PRLR: variants seen among roughly 807,000 people sequenced by gnomAD.
PRLR encodes hPRL receptor.
PRLR carries 13 observed loss-of-function variants against 40.2 expected under a neutral mutation model. The ratio of observed to expected loss-of-function variants is 0.32; its 90% CI spans 0.21 to 0.51. The LOEUF (loss-of-function observed/expected upper bound fraction) is 0.51, where lower values mean the gene tolerates loss of function less well. PRLR is among the 20% of genes least tolerant of loss of function. PRLR has a pLI of 0.97. For synonymous variants in PRLR, 269 were observed against 278.7 expected, an observed-to-expected ratio of 0.97 and a Z score of 0.35; for missense variants, 656 against 747.3, an observed-to-expected ratio of 0.88 and a Z score of 1.42.
Position 35,089,536 on chromosome 5 carries a change from T to A in PRLR, c.70+15A>T. On this transcript the variant is annotated intron_variant, in intron 3 of 9. Coordinates refer to ENST00000618457, the MANE Select transcript of PRLR (RefSeq NM_000949.7). Reference sequence around the variant, plus strand: ...CCCCAGGCAATGAAAGAGAGCGTGATAGCCTCTTACTTACCATTCAGAAGG... The same window carrying A: ...CCCCAGGCAATGAAAGAGAGCGTGAAAGCCTCTTACTTACCATTCAGAAGG... The A allele has an allele frequency of 6.4e-7, 1 of 1,568,182 alleles. No individual in the cohort carries two copies. Among genetic ancestry groups the A allele is most frequent in the East Asian group, 2.2e-5 (1 of 44,592 alleles).
chr5:35,162,538 C>T (rs1222827674), intron 1 of PRLR, among the ~76,000 whole-genome samples: 1 of 152,226 alleles, frequency 6.6e-6, no homozygotes, highest in Non-Finnish European at 1.5e-5. Flanking sequence ...TGTGAGCACA[C>T]TAAGTACGTA....
At chr5:35,190,198 C>T (rs528440980) in intron 1 of PRLR, among the ~76,000 whole-genome samples, 49 of 152,238 alleles carry the variant, frequency 3.2e-4, no homozygotes, top group African/African-American at 1.2e-3. Context: ...TATAATTATC[C>T]CATTTTACAT....
chr5:35,156,707 T>C (rs1298969773), intron 1 of PRLR, among the ~76,000 whole-genome samples: 1 of 152,158 alleles, frequency 6.6e-6, no homozygotes, highest in Non-Finnish European at 1.5e-5. Flanking sequence ...CTCTCAGATA[T>C]TGTGCTCAAA....
At chr5:35,118,321 T>TAAA (rs35030984) in intron 1 of PRLR, among the ~76,000 whole-genome samples, 199 bp from the exon 2 acceptor site, 1 of 139,500 alleles carries the variant, frequency 7.2e-6, no homozygotes. Flanking sequence ...TATAAAATAG[T>TAAA]AAAAAAAAAA....
chr5:35,082,871 T>C (rs987903958), intron 5 of PRLR, among the ~76,000 whole-genome samples: 3 of 152,168 alleles, frequency 2.0e-5, no homozygotes, highest in African/African-American at 7.2e-5. Flanking sequence ...AACATATTCT[T>C]TCACCAGAGA....
At chr5:35,084,225 C>T (rs1770702784) in intron 5 of PRLR, among the ~76,000 whole-genome samples, 2 of 152,148 alleles carry the variant, frequency 1.3e-5, no homozygotes, top group Admixed American at 1.3e-4. Flanking sequence ...AACATTTGTG[C>T]TGAGTGCAAG....
chr5:35,074,359 G>A (rs1375394160), intron 5 of PRLR, among the ~76,000 whole-genome samples: 1 of 151,918 alleles, frequency 6.6e-6, no homozygotes, highest in Non-Finnish European at 1.5e-5. Context: ...CTACTTGGGA[G>A]GCTGAGGCAG....
chr5:35,171,747 G>A (rs1775003104), intron 1 of PRLR, among the ~76,000 whole-genome samples: 2 of 152,120 alleles, frequency 1.3e-5, no homozygotes. Context: ...TGGGTTGTAG[G>A]ACATGGAAGA....
chr5:35,177,983 C>CT (rs879290085), intron 1 of PRLR, among the ~76,000 whole-genome samples: 36 of 143,738 alleles, frequency 2.5e-4, no homozygotes, highest in African/African-American at 2.5e-4. Context: ...TATTGCCTGT[C>CT]TTTTTTTTTT....
downstream of PRLR, among the ~76,000 whole-genome samples, chr5:35,054,834 T>C (rs1469219553): frequency 1.3e-5 from 2 of 152,160 alleles, no homozygotes; most frequent in African/African-American, 4.8e-5. Context: ...TATTTAGGGA[T>C]AGATAAATAT....
chr5:35,067,366 A>G (rs1033663887), intron 9 of PRLR, among the ~76,000 whole-genome samples: 1 of 152,156 alleles, frequency 6.6e-6, no homozygotes, highest in Non-Finnish European at 1.5e-5. Context: ...TGAGACATTC[A>G]TGCTGGTTCT....
chr5:35,141,603 C>T (rs80196580), intron 1 of PRLR, among the ~76,000 whole-genome samples: 4,970 of 152,238 alleles, frequency 0.033, 303 homozygotes, highest in African/African-American at 0.11. Context: ...AATGTGTGGC[C>T]ATTTGAACAG....
chr5:35,116,727 C>A (rs1218097140), intron 2 of PRLR, among the ~76,000 whole-genome samples: 1 of 152,202 alleles, frequency 6.6e-6, no homozygotes, highest in East Asian at 1.9e-4. Flanking sequence ...TTACCAGATG[C>A]TCCTGGGCAG....
chr5:35,050,051 C>T (rs1369483042), intron 8 of PRLR, among the ~76,000 whole-genome samples: 1 of 151,868 alleles, frequency 6.6e-6, no homozygotes, highest in Non-Finnish European at 1.5e-5. Context: ...GGGATTACAG[C>T]TACTCCATGC....
chr5:35,089,641 G>T lies in PRLR; in HGVS notation c.-21C>A. 4 of 1,613,664 alleles carry T rather than the reference G, an allele frequency of 2.5e-6. No individual in the cohort carries two copies. The highest frequency in any genetic ancestry group is 2.2e-5 in the South Asian group (2 of 91,052). On this transcript the variant is annotated 5_prime_UTR_variant, in exon 3 of 10. Coordinates refer to ENST00000618457, the MANE Select transcript of PRLR (RefSeq NM_000949.7). ...TTCATGTTGGCTGCCTTCTCTTGCT[G>T]CAGGAAATGTATCAGAAGTTCACTG...
At chr5:35,076,087 G>C (rs2112419541) in intron 5 of PRLR, among the ~76,000 whole-genome samples, 1 of 152,304 alleles carries the variant, frequency 6.6e-6, no homozygotes, top group Middle Eastern at 3.4e-3. Context: ...AAGATGGGGA[G>C]AAACCAGAGC....
intron 1 of PRLR, among the ~76,000 whole-genome samples, chr5:35,201,096 C>T (rs1775871947): frequency 6.6e-6 from 1 of 152,150 alleles, no homozygotes; most frequent in African/African-American, 2.4e-5. Context: ...CCCCCAGAAC[C>T]TTAACATCTT....
At chr5:35,118,562 C>A (rs1243060123) in intron 1 of PRLR, among the ~76,000 whole-genome samples, 2 of 152,142 alleles carry the variant, frequency 1.3e-5, no homozygotes, top group African/African-American at 4.8e-5. Context: ...TTAACATCGA[C>A]ACAGTATTAT....
At chr5:35,130,586 T>C (rs1773638242) in intron 1 of PRLR, among the ~76,000 whole-genome samples, 1 of 152,130 alleles carries the variant, frequency 6.6e-6, no homozygotes, top group Non-Finnish European at 1.5e-5. Flanking sequence ...AGGAAGTAAA[T>C]TTTTAGCTCT....
Sources: gnomAD v4.1 joint callset for allele counts (sites outside exome capture counted in the v4.1 genomes callset) on GRCh38, gnomAD v4.1.1 for gene constraint, MANE v1.5 for transcripts, NCBI Gene and HGNC (gene_info 2026-07-23, HGNC 2026-07-21) for gene names.